PPM1H: variants seen among roughly 807,000 people sequenced by gnomAD.
PPM1H encodes protein phosphatase 1H.
A neutral mutation model predicts 54.9 loss-of-function variants in PPM1H; 27 were observed. That is an observed-to-expected ratio of 0.49 (90% CI 0.36 to 0.68). The LOEUF is 0.68. Ranked by LOEUF, PPM1H falls within the 30% of genes least tolerant of loss-of-function variation. The pLI is 0.00. For missense variants in PPM1H, 596 were observed against 667.8 expected (o/e 0.89, Z 1.19); for synonymous variants, 305 against 270.8 (o/e 1.13, Z -1.24).
intron 6 of PPM1H, among the ~76,000 whole-genome samples, chr12:62,710,060 G>A (rs1592556168): frequency 6.6e-6 from 1 of 151,436 alleles, no homozygotes; most frequent in South Asian, 2.1e-4. Context: ...GGCAACAAGA[G>A]TGAAACTCCG....
intron 1 of PPM1H, among the ~76,000 whole-genome samples, chr12:62,912,606 C>G (rs1052698993): frequency 6.6e-6 from 1 of 152,028 alleles, no homozygotes; most frequent in African/African-American, 2.4e-5. Flanking sequence ...CTATGATATC[C>G]CAGAAGGTAA....
chr12:62,760,367 C>A (rs2076501223), intron 4 of PPM1H, among the ~76,000 whole-genome samples: 1 of 152,132 alleles, frequency 6.6e-6, no homozygotes, highest in Non-Finnish European at 1.5e-5. Context: ...TCTTGTGAAT[C>A]TTCCCTTTCT....
chr12:62,719,941 G>C (rs1331343574), intron 6 of PPM1H, among the ~76,000 whole-genome samples: 1 of 152,152 alleles, frequency 6.6e-6, no homozygotes, highest in African/African-American at 2.4e-5. Context: ...CAGTTTCCTG[G>C]GGTCCAATAT....
intron 1 of PPM1H, chr12:62,933,970 C>A (rs1441053977): frequency 6.5e-6 from 1 of 153,100 alleles, no homozygotes; most frequent in African/African-American, 2.4e-5. Flanking sequence ...GTGAGAGAAA[C>A]TGAGACCTTC....
chr12:62,701,506 TC>T (rs1316704071), intron 6 of PPM1H, among the ~76,000 whole-genome samples: 1 of 152,180 alleles, frequency 6.6e-6, no homozygotes, highest in East Asian at 1.9e-4. Context: ...CTAGCAAATC[TC>T]CCACATTTCT....
chr12:62,782,557 A>C (rs2076648532), intron 4 of PPM1H, among the ~76,000 whole-genome samples: 1 of 152,096 alleles, frequency 6.6e-6, no homozygotes, highest in Non-Finnish European at 1.5e-5. Context: ...AATTCATGGA[A>C]TGCTATTCAC....
intron 1 of PPM1H, among the ~76,000 whole-genome samples, chr12:62,859,141 T>C (rs1454870109): frequency 6.6e-6 from 1 of 152,312 alleles, no homozygotes; most frequent in Admixed American, 6.5e-5. Context: ...GCAAATGCTA[T>C]CCCTGGAAGA....
intron 1 of PPM1H, among the ~76,000 whole-genome samples, chr12:62,855,207 C>G (rs1422282393): frequency 6.6e-6 from 1 of 152,164 alleles, no homozygotes; most frequent in African/African-American, 2.4e-5. Context: ...TTCCCACCCT[C>G]TCGCTTCCTG....
intron 1 of PPM1H, among the ~76,000 whole-genome samples, chr12:62,854,078 A>C (rs1869295451): frequency 6.6e-6 from 1 of 152,230 alleles, no homozygotes; most frequent in East Asian, 1.9e-4. Context: ...AACATGAAAA[A>C]AACAACAAAA....
chr12:62,659,145 G>A (rs2075864975), intron 9 of PPM1H: 1 of 734,316 alleles, frequency 1.4e-6, no homozygotes, highest in Non-Finnish European at 2.5e-6. Context: ...GAACTGCAAA[G>A]CCGTTGTGGA....
chr12:62,838,445 A>G (rs1868581841), intron 1 of PPM1H, among the ~76,000 whole-genome samples: 1 of 152,088 alleles, frequency 6.6e-6, no homozygotes, highest in Non-Finnish European at 1.5e-5. Flanking sequence ...GGTTCTCTCA[A>G]GTGGTTACTG....
At chr12:62,872,008 C>A (rs551854572) in intron 1 of PPM1H, among the ~76,000 whole-genome samples, 1 of 152,296 alleles carries the variant, frequency 6.6e-6, no homozygotes, top group South Asian at 2.1e-4. Context: ...CTTTTGAAAC[C>A]TGGATCTATG....
At chr12:62,913,849 C>T (rs576262669) in intron 1 of PPM1H, among the ~76,000 whole-genome samples, 18 of 152,046 alleles carry the variant, frequency 1.2e-4, no homozygotes, top group Middle Eastern at 3.4e-3. Flanking sequence ...TATACGCATG[C>T]GCCACCATGC....
At chr12:62,860,544 A>G (rs1869561529) in intron 1 of PPM1H, among the ~76,000 whole-genome samples, 1 of 152,208 alleles carries the variant, frequency 6.6e-6, no homozygotes, top group South Asian at 2.1e-4. Flanking sequence ...TTTGAAAATG[A>G]TTTATATAAA....
chr12:62,864,896 C>T (rs1024252760), intron 1 of PPM1H, among the ~76,000 whole-genome samples: 1 of 152,104 alleles, frequency 6.6e-6, no homozygotes, highest in Non-Finnish European at 1.5e-5. Context: ...TTTTGAAGTC[C>T]AAAAGGCCTC....
intron 9 of PPM1H, among the ~76,000 whole-genome samples, chr12:62,664,609 C>T (rs976813348): frequency 8.5e-5 from 13 of 152,212 alleles, no homozygotes; most frequent in African/African-American, 3.1e-4. Context: ...TTAGTTCTAT[C>T]ATTTTTAACC....
intron 5 of PPM1H, among the ~76,000 whole-genome samples, chr12:62,723,216 C>T (rs2076272831): frequency 5.3e-5 from 8 of 152,082 alleles, no homozygotes; most frequent in Admixed American, 5.2e-4. Context: ...CCACATATCC[C>T]TAGCCTGGAA....
intron 1 of PPM1H, among the ~76,000 whole-genome samples, chr12:62,932,628 C>CTTTTTTTGTTTTTTTT (rs1872177801): frequency 1.9e-5 from 1 of 54,012 alleles, no homozygotes; most frequent in Non-Finnish European, 3.2e-5. Flanking sequence ...TCCAAATGGG[C>CTTTTTTTGTTTTTTTT]TTTTTTTTTT....
At chr12:62,733,713 T>G (rs915533378) in intron 5 of PPM1H, among the ~76,000 whole-genome samples, 1 of 152,240 alleles carries the variant, frequency 6.6e-6, no homozygotes, top group Non-Finnish European at 1.5e-5. Context: ...GAGAAATGTT[T>G]TTAGTTATAA....
Sources: gnomAD v4.1 joint callset for allele counts (sites outside exome capture counted in the v4.1 genomes callset) on GRCh38, gnomAD v4.1.1 for gene constraint, MANE v1.5 for transcripts, NCBI Gene and HGNC (gene_info 2026-07-23, HGNC 2026-07-21) for gene names.